Variants in ZNF862 observed in about 807,000 individuals in gnomAD.
ZNF862 encodes the protein zinc finger protein 862.
ZNF862 carries 64 observed loss-of-function variants against 91.1 expected under a neutral mutation model. The ratio of observed to expected loss-of-function variants is 0.70; its 90% CI spans 0.57 to 0.87. The LOEUF is 0.87. Among genes scored for constraint, ZNF862 ranks in the 40% least tolerant of loss-of-function variants. The probability of loss-of-function intolerance (pLI) is 0.00; values close to 1 mark genes in which losing one functional copy is unlikely to be tolerated. For missense variants in ZNF862, 1,459 were observed against 1,528.0 expected (o/e 0.95, Z 0.75); for synonymous variants, 631 against 618.1 (o/e 1.02, Z -0.31).
rs1174309861 is a variant in ZNF862 at position 149,864,401 on chromosome 7, G to C, written c.*117G>C. 8.8e-7 allele frequency: 1 copy of C among 1,136,944 alleles called. No homozygotes were observed. Among genetic ancestry groups the C allele is most frequent in the African/African-American group, 1.6e-5 (1 of 63,996 alleles). The allele number at this position is 1,136,944 out of a possible 1,614,324, so 70.4% of individuals were successfully genotyped here. A position where few individuals can be genotyped will look rare whatever the true frequency, so the allele number is the denominator to read the frequency against. The stretch of plus-strand genomic sequence containing the variant: ...TGGTGGCGATGGTCTCTAAGCACCA[G>C]GAAGTGGGCAGTGGCATCCCAGAGC... On this transcript the variant is annotated 3_prime_UTR_variant, in exon 8 of 8. Coordinates refer to ENST00000223210, the MANE Select transcript of ZNF862 (RefSeq NM_001099220.3).
chr7:149,862,765 C>T (rs890900706), intron 7 of ZNF862, among the ~76,000 whole-genome samples: 1 of 152,222 alleles, frequency 6.6e-6, no homozygotes, highest in African/African-American at 2.4e-5. Flanking sequence ...GGCTCTGCCC[C>T]CAACTGGCTG....
intron 5 of ZNF862, among the ~76,000 whole-genome samples, chr7:149,854,504 A>G (rs1170350892): frequency 3.3e-5 from 5 of 152,168 alleles, no homozygotes; most frequent in Non-Finnish European, 7.3e-5. Context: ...AACTCTGGTT[A>G]TATTATAACT....
chr7:149,861,587 G>T lies in ZNF862; in HGVS notation c.2427G>T (p.Arg809Ser). The change falls in exon 7 of 8, where the codon AGG (arginine) becomes AGT (serine). Residue 809 changes from arginine to serine, a missense_variant. By Grantham distance (110) the Arg-to-Ser change is moderately radical. Coordinates refer to ENST00000223210, the MANE Select transcript of ZNF862 (RefSeq NM_001099220.3). This position sits in a 1 kb window ranked among gnomAD's most constrained non-coding sequence, Gnocchi z 6.7. ...ALLVSWPALA[R>S]HLQRVAEAGG... is the part of the protein sequence containing the mutation. ...TCGTGAGCTGGCCCGCCCTGGCCAG[G>T]CACCTCCAGAGGGTGGCAGAGGCTG... is the stretch of plus-strand genomic sequence containing the variant. 6.3e-7 allele frequency: 1 copy of T among 1,597,532 alleles called. No individual in the cohort carries two copies. Among genetic ancestry groups the T allele is most frequent in the Non-Finnish European group, 8.5e-7 (1 of 1,174,314 alleles).
chr7:149,863,875 C>G (rs1802609236), intron 7 of ZNF862, among the ~76,000 whole-genome samples: 1 of 152,224 alleles, frequency 6.6e-6, no homozygotes, highest in African/African-American at 2.4e-5. Context: ...AAAATCATCT[C>G]CAGACATTGG....
chr7:149,841,281 G>T, intron 1 of ZNF862: 1 of 985,388 alleles, frequency 1.0e-6, no homozygotes, highest in Non-Finnish European at 1.2e-6. Flanking sequence ...CTTGGGTGCT[G>T]TTTTGTGGTC....
chr7:149,858,808 C>T (rs1011047797), intron 5 of ZNF862: 2 of 153,586 alleles, frequency 1.3e-5, no homozygotes, highest in African/African-American at 4.8e-5. Context: ...TCCAAGTGCC[C>T]CTTTCAAAAA....
chr7:149,859,834 G>A, intron 6 of ZNF862: 1 of 356,736 alleles, frequency 2.8e-6, no homozygotes, highest in Non-Finnish European at 5.1e-6. Context: ...CCAGAGATCT[G>A]TGAGCCTCTC....
intron 1 of ZNF862, among the ~76,000 whole-genome samples, chr7:149,840,187 T>TAA (rs60721842): frequency 0.052 from 2,153 of 41,206 alleles, 28 homozygotes; most frequent in Non-Finnish European, 0.067. Context: ...GCTTAAAAAG[T>TAA]AAAAAAAAAA....
Position 149,860,972 on chromosome 7 carries a change from G to T in ZNF862, c.1812G>T (p.Lys604Asn). 3.7e-6 allele frequency: 6 copies of T among 1,613,570 alleles called. No individual in the cohort carries two copies. The highest frequency in any genetic ancestry group is 5.1e-6 in the Non-Finnish European group (6 of 1,179,802). ...GCACGGCGTGCACTCAGTTCATCAA[G>T]TACATCTCAGAGACCCTGAAGAGGG... The part of the protein sequence containing the change: ...RNRTACTQFI[K>N]YISETLKREI... The change falls in exon 7 of 8, where the codon AAG (lysine) becomes AAT (asparagine). Residue 604 changes from lysine to asparagine, a missense_variant. Coordinates refer to ENST00000223210, the MANE Select transcript of ZNF862 (RefSeq NM_001099220.3).
At chr7:149,844,124 C>T (rs1476911232) in intron 1 of ZNF862, among the ~76,000 whole-genome samples, 10 of 152,184 alleles carry the variant, frequency 6.6e-5, no homozygotes, top group Non-Finnish European at 1.5e-4. Context: ...ACTCCCTACC[C>T]CTCAGAGCCC....
chr7:149,845,867 A>G (rs1230567378), intron 2 of ZNF862, among the ~76,000 whole-genome samples: 2 of 151,980 alleles, frequency 1.3e-5, no homozygotes, highest in African/African-American at 4.8e-5. Context: ...GGCCCCTCTC[A>G]GTATTTGGGT....
chr7:149,840,585 C>T lies in ZNF862; in HGVS notation c.24+1950C>T, dbSNP rs1004108627. On this transcript the variant is annotated intron_variant, in intron 1 of 7. Coordinates refer to ENST00000223210, the MANE Select transcript of ZNF862 (RefSeq NM_001099220.3). ...TCACTCACTCACCCAGAGCAACTTC[C>T]AGTCCTGCAAGCTCCATTCATGGTA... is the stretch of plus-strand genomic sequence containing the variant. 3.9e-5 allele frequency among the ~76,000 whole-genome samples: 6 copies of T among 152,066 alleles called. No homozygotes were observed. The South Asian group carries it at 1.0e-3, about 26-fold the overall frequency.
At chr7:149,849,659 A>AT (rs1237787294) in intron 4 of ZNF862, among the ~76,000 whole-genome samples, 1 of 152,176 alleles carries the variant, frequency 6.6e-6, no homozygotes, top group Non-Finnish European at 1.5e-5. Flanking sequence ...TGTTCCTGAT[A>AT]TTTTTTAGTA....
intron 5 of ZNF862, chr7:149,851,965 T>G (rs956754500): frequency 2.6e-5 from 4 of 151,860 alleles, no homozygotes; most frequent in African/African-American, 9.7e-5. Context: ...AGAAACGGAG[T>G]TGCATGTGTG....
In ZNF862 at chr7:149,860,417, C is replaced by T. The variant is rs1473722285; in HGVS notation, c.1257C>T (p.Asp419=). 1.2e-6 allele frequency: 2 copies of T among 1,612,924 alleles called. No individual in the cohort carries two copies. The highest frequency in any genetic ancestry group is 1.7e-4 in the Middle Eastern group (1 of 6,054). The stretch of plus-strand genomic sequence containing the variant: ...AGATGGTGGCAGTGAGAGAGGCAGA[C>T]ACACAGGCCTCGGCTGCAGACTCCG... ...NKKMVAVREA[D]TQASAADSAL... The change falls in exon 7 of 8, where the codon GAC becomes GAT. Residue 419 remains aspartate, a synonymous_variant. Coordinates refer to ENST00000223210, the MANE Select transcript of ZNF862 (RefSeq NM_001099220.3).
chr7:149,849,003 A>T (rs59359644), intron 4 of ZNF862, among the ~76,000 whole-genome samples: 1,706 of 152,084 alleles, frequency 0.011, 47 homozygotes, highest in African/African-American at 0.039. Context: ...ATCTCACTAT[A>T]TTGCCCAGGC....
chr7:149,851,531 C>T (rs545746903), intron 5 of ZNF862: 30 of 152,288 alleles, frequency 2.0e-4, no homozygotes, highest in Admixed American at 1.6e-3. Flanking sequence ...AAAATGCATA[C>T]CCTCTGCAAA....
Position 149,861,554 on chromosome 7 carries a change from C to G in ZNF862, c.2394C>G (p.His798Gln). ...TGGCCAGCAGGAGGCGCACGCTGCA[C>G]GCGCTGCTCGTGAGCTGGCCCGCCC... ...RWVASRRRTL[H>Q]ALLVSWPALA... The change falls in exon 7 of 8, where the codon CAC becomes CAG. Residue 798 changes from histidine (H) to glutamine (Q), a missense_variant. His to Gln is a conservative substitution (Grantham distance 24). Coordinates refer to ENST00000223210, the MANE Select transcript of ZNF862 (RefSeq NM_001099220.3). This position sits in a 1 kb window ranked among gnomAD's most constrained non-coding sequence, Gnocchi z 6.7. 6.3e-7 allele frequency: 1 copy of G among 1,597,568 alleles called. No individual in the cohort carries two copies. Among genetic ancestry groups the G allele is most frequent in the South Asian group, 1.1e-5 (1 of 89,410 alleles).
chr7:149,855,915 C>T lies in ZNF862; in HGVS notation c.1118-3507C>T, dbSNP rs1016671879. ...TCTTATCCAAGGCTGGACTCGTGGC[C>T]ATTCACGGCTCCCAGAGATACAGGT... On this transcript the variant is annotated intron_variant, in intron 5 of 7. Coordinates refer to ENST00000223210, the MANE Select transcript of ZNF862 (RefSeq NM_001099220.3). This position sits in a 1 kb window ranked among gnomAD's most constrained non-coding sequence, Gnocchi z 4.1. 2 of 152,276 alleles carry T rather than the reference C, an allele frequency of 1.3e-5. No homozygotes were observed. The highest frequency in any genetic ancestry group is 3.8e-4 in the East Asian group (2 of 5,200). 9.4% of individuals were successfully genotyped at this position (152,276 alleles called of 1,614,324 possible).
Sources: allele counts gnomAD v4.1 joint callset (sites outside exome capture counted in the v4.1 genomes callset), GRCh38; gene constraint gnomAD v4.1.1; non-coding constraint Gnocchi (gnomAD v3.1); transcripts MANE v1.5; gene names NCBI Gene and HGNC (gene_info 2026-07-23, HGNC 2026-07-21).